Variants in SHROOM3 observed in about 807,000 individuals in gnomAD.
SHROOM3 encodes the protein protein Shroom3.
A neutral mutation model predicts 138.6 loss-of-function variants in SHROOM3; 47 were observed. That is an observed-to-expected ratio of 0.34 (90% CI 0.27 to 0.43). The LOEUF is 0.43. SHROOM3 is among the 20% of genes least tolerant of loss of function. SHROOM3 has a pLI of 1.00. For missense variants in SHROOM3, 2,491 were observed against 2,596.5 expected (o/e 0.96, Z 0.88); for synonymous variants, 1,062 against 1,063.3 (o/e 1.00, Z 0.02).
chr4:76,436,212 A>G lies in SHROOM3; in HGVS notation c.160A>G (p.Ile54Val). ...GGLEHGEPLI[I>V]SKVEEGGKAD... Reference sequence around the variant, plus strand: ...CCTGGAGCACGGAGAACCATTAATCATCTCTAAGGTATGTTTCTTTTTCCA... The same window carrying G: ...CCTGGAGCACGGAGAACCATTAATCGTCTCTAAGGTATGTTTCTTTTTCCA... The change falls in exon 1 of 11, where the codon ATC (isoleucine) becomes GTC (valine). Residue 54 changes from isoleucine to valine, a missense_variant. Around this residue, in one of 4 missense-constraint regions of SHROOM3, gnomAD observed 284 missense variants for 322.8 expected, o/e 0.88. Transcript: ENST00000296043. 1.9e-6 allele frequency: 3 copies of G among 1,613,988 alleles called. No individual in the cohort carries two copies. Among genetic ancestry groups the G allele is most frequent in the Non-Finnish European group, 2.5e-6 (3 of 1,179,886 alleles).
At chr4:76,623,280 G>A (rs1354809306) in intron 2 of SHROOM3, among the ~76,000 whole-genome samples, 1 of 152,180 alleles carries the variant, frequency 6.6e-6, no homozygotes, top group Non-Finnish European at 1.5e-5. Context: ...AAATCCAAAA[G>A]TCTAAGCTGA....
At chr4:76,628,493 A>G (rs1042913540) in intron 2 of SHROOM3, among the ~76,000 whole-genome samples, 4 of 152,184 alleles carry the variant, frequency 2.6e-5, no homozygotes, top group Admixed American at 1.3e-4. Context: ...TTTTCCAGGA[A>G]GTGAATGCAG....
chr4:76,693,165 G>T (rs185050562), intron 2 of SHROOM3, among the ~76,000 whole-genome samples: 1 of 152,118 alleles, frequency 6.6e-6, no homozygotes, highest in African/African-American at 2.4e-5. Context: ...TTGAGTTAAT[G>T]ACTGAAGGTA....
chr4:76,716,307 C>T (rs775421816), intron 3 of SHROOM3: 1 of 518,862 alleles, frequency 1.9e-6, no homozygotes, highest in Non-Finnish European at 3.8e-6. Flanking sequence ...CTGTGGGGAG[C>T]AGAAAGAGCA....
At chr4:76,630,624 C>G (rs1238939979) in intron 2 of SHROOM3, among the ~76,000 whole-genome samples, 2 of 151,904 alleles carry the variant, frequency 1.3e-5, no homozygotes, top group Non-Finnish European at 1.5e-5. Flanking sequence ...CATTTTTTTT[C>G]CATTCAATCA....
chr4:76,763,476 G>A (rs1410758536), intron 9 of SHROOM3, among the ~76,000 whole-genome samples: 1 of 151,906 alleles, frequency 6.6e-6, no homozygotes, highest in East Asian at 1.9e-4. Context: ...GAGGTGGGAG[G>A]ATCGCTTGAG....
At chr4:76,645,035 C>G (rs1439621850) in intron 2 of SHROOM3, among the ~76,000 whole-genome samples, 1 of 152,208 alleles carries the variant, frequency 6.6e-6, no homozygotes, top group African/African-American at 2.4e-5. Flanking sequence ...TGCTCAAGGT[C>G]ATACAGTTAG....
chr4:76,717,916 A>G (rs1357438551), intron 3 of SHROOM3, among the ~76,000 whole-genome samples: 2 of 152,212 alleles, frequency 1.3e-5, no homozygotes, highest in Non-Finnish European at 2.9e-5. Flanking sequence ...TTCTCTTATA[A>G]TTCAAATTCA....
chr4:76,720,911 C>T (rs1720527869), intron 3 of SHROOM3, among the ~76,000 whole-genome samples: 1 of 151,680 alleles, frequency 6.6e-6, no homozygotes, highest in Admixed American at 6.6e-5. Context: ...CGCCCGGCCT[C>T]CCCCCGAATT....
chr4:76,707,945 A>G (rs1030618491), intron 2 of SHROOM3, among the ~76,000 whole-genome samples: 7 of 152,112 alleles, frequency 4.6e-5, no homozygotes, highest in African/African-American at 1.7e-4. Context: ...CAGCTCACCC[A>G]GGTGCCCAGG....
chr4:76,500,472 G>A (rs550191227), intron 1 of SHROOM3, among the ~76,000 whole-genome samples: 1 of 152,282 alleles, frequency 6.6e-6, no homozygotes, highest in African/African-American at 2.4e-5. Context: ...CCCTGTCTCA[G>A]TGAAGATCGG....
intron 2 of SHROOM3, among the ~76,000 whole-genome samples, chr4:76,559,005 G>T (rs550074970): frequency 6.6e-6 from 1 of 152,128 alleles, no homozygotes; most frequent in Non-Finnish European, 1.5e-5. Flanking sequence ...TTTCATTCTC[G>T]TCAACACCAA....
intron 2 of SHROOM3, among the ~76,000 whole-genome samples, chr4:76,631,047 TA>T (rs1370406681): frequency 6.6e-6 from 1 of 152,112 alleles, no homozygotes; most frequent in South Asian, 2.1e-4. Context: ...TACAGTCTTA[TA>T]GGGGTATGCA....
intron 2 of SHROOM3, among the ~76,000 whole-genome samples, chr4:76,652,832 T>A (rs1208822701): frequency 2.6e-5 from 4 of 152,022 alleles, no homozygotes; most frequent in Admixed American, 6.6e-5. Context: ...TACACACACA[T>A]ATATAAAACA....
chr4:76,566,864 C>G (rs1028482132), intron 2 of SHROOM3, among the ~76,000 whole-genome samples: 3 of 152,222 alleles, frequency 2.0e-5, no homozygotes, highest in Non-Finnish European at 4.4e-5. Context: ...CTTTGGGCAT[C>G]TTCGCATGTG....
chr4:76,571,281 A>G (rs1018955561), intron 2 of SHROOM3, among the ~76,000 whole-genome samples: 1 of 152,260 alleles, frequency 6.6e-6, no homozygotes, highest in South Asian at 2.1e-4. Context: ...CAAAAGCCCA[A>G]GCTTTTACAT....
chr4:76,593,868 C>G (rs1051719004), intron 2 of SHROOM3, among the ~76,000 whole-genome samples: 1 of 152,174 alleles, frequency 6.6e-6, no homozygotes, highest in African/African-American at 2.4e-5. Context: ...AACCCCAGTT[C>G]CCAACACCGA....
At chr4:76,575,083 A>G (rs1733912048) in intron 2 of SHROOM3, among the ~76,000 whole-genome samples, 1 of 152,268 alleles carries the variant, frequency 6.6e-6, no homozygotes, top group African/African-American at 2.4e-5. Flanking sequence ...TTCTCAATAG[A>G]ATGAAGAACA....
intron 5 of SHROOM3, among the ~76,000 whole-genome samples, chr4:76,742,794 T>C (rs1454699861): frequency 6.6e-6 from 1 of 152,058 alleles, no homozygotes; most frequent in Non-Finnish European, 1.5e-5. Context: ...AAGACAATAA[T>C]AGGAATCACA....
Sources: allele counts gnomAD v4.1 joint callset (sites outside exome capture counted in the v4.1 genomes callset), GRCh38; gene constraint gnomAD v4.1.1; regional missense constraint gnomAD v4.1.1; transcripts MANE v1.5; gene names NCBI Gene and HGNC (gene_info 2026-07-23, HGNC 2026-07-21).